Variants in POU3F3 observed in about 807,000 individuals in gnomAD.
The protein encoded by POU3F3 is POU class 3 homeobox 3.
A neutral mutation model predicts 8.6 loss-of-function variants in POU3F3; 1 was observed. The observed-to-expected ratio is 0.12, with a 90% CI of 0.04 to 0.55. POU3F3 has a LOEUF of 0.55. Among genes scored for constraint, POU3F3 ranks in the 20% least tolerant of loss-of-function variants. The pLI is 0.91. For missense variants in POU3F3, 577 were observed against 690.7 expected, an observed-to-expected ratio of 0.84 and a Z score of 1.84; for synonymous variants, 418 against 327.4, an observed-to-expected ratio of 1.28 and a Z score of -2.99.
At chr2:104,865,398 AAG>A in the POU3F3 span, 1 of 152,252 alleles carries the variant, frequency 6.6e-6, no homozygotes, top group Non-Finnish European at 1.5e-5. Context: ...ATAGGACAAA[AAG>A]AATGATCACT....
At chr2:104,922,956 G>A in the POU3F3 span, among the ~76,000 whole-genome samples, 2 of 152,168 alleles carry the variant, frequency 1.3e-5, no homozygotes. Flanking sequence ...TTTCTCATCA[G>A]AAATTCTGGA....
At chr2:104,899,934 C>T in the POU3F3 span, among the ~76,000 whole-genome samples, 8 of 152,204 alleles carry the variant, frequency 5.3e-5, no homozygotes, top group African/African-American at 1.9e-4. Context: ...TCGAAGACTG[C>T]CCTTGTGGGT....
chr2:104,870,157 T>C, the POU3F3 span, among the ~76,000 whole-genome samples: 1 of 152,168 alleles, frequency 6.6e-6, no homozygotes, highest in African/African-American at 2.4e-5. Flanking sequence ...CCCATTTCAT[T>C]CCACTGAGGT....
At chr2:104,881,220 C>T in the POU3F3 span, among the ~76,000 whole-genome samples, 1 of 150,248 alleles carries the variant, frequency 6.7e-6, no homozygotes, top group African/African-American at 2.5e-5. Flanking sequence ...GGGAGTGGTG[C>T]AATCATGGCT....
the POU3F3 span, among the ~76,000 whole-genome samples, chr2:104,870,439 A>G: frequency 1.3e-5 from 2 of 152,358 alleles, no homozygotes; most frequent in South Asian, 4.1e-4. Context: ...CAGCCTGGGC[A>G]TTTCCATACC....
At chr2:104,872,786 C>G in the POU3F3 span, among the ~76,000 whole-genome samples, 5 of 152,300 alleles carry the variant, frequency 3.3e-5, no homozygotes, top group South Asian at 2.1e-4. The surrounding 1 kb of genome is among the most constrained non-coding windows in gnomAD (Gnocchi z 4.6). Context: ...GGCGAGGAGA[C>G]GCATCCCTTC....
chr2:104,922,301 C>CA, the POU3F3 span, among the ~76,000 whole-genome samples: 4 of 129,926 alleles, frequency 3.1e-5, no homozygotes, highest in African/African-American at 5.8e-5. Flanking sequence ...CATTCAAAAA[C>CA]AAAAAATAAA....
At chr2:104,873,105 T>A in the POU3F3 span, among the ~76,000 whole-genome samples, 3 of 152,154 alleles carry the variant, frequency 2.0e-5, no homozygotes, top group African/African-American at 7.2e-5. Flanking sequence ...ACTGAACAAT[T>A]TCCTTGGAGC....
chr2:104,864,949 C>T, the POU3F3 span, among the ~76,000 whole-genome samples: 3 of 152,178 alleles, frequency 2.0e-5, no homozygotes, highest in Non-Finnish European at 4.4e-5. Flanking sequence ...TCTGTGTGCG[C>T]GCACATGCGT....
chr2:104,877,660 CTT>C, the POU3F3 span, among the ~76,000 whole-genome samples: 6 of 138,794 alleles, frequency 4.3e-5, no homozygotes, highest in Middle Eastern at 3.4e-3. Flanking sequence ...TTCTTTTTTT[CTT>C]TTTTTTTTTT....
Position 104,855,308 on chromosome 2 carries a change from G to T in POU3F3, c.-203G>T. 6.8e-6 allele frequency among the ~76,000 whole-genome samples: 1 copy of T among 146,476 alleles called. No homozygotes were observed. The highest frequency in any genetic ancestry group is 1.5e-5 in the Non-Finnish European group (1 of 65,904). On this transcript the variant is annotated 5_prime_UTR_variant, in exon 1 of 1. Coordinates refer to ENST00000361360, the MANE Select transcript of POU3F3 (RefSeq NM_006236.3). ...AGCCGGGGGCCGCGGCGGCGGCGGC[G>T]GCGGCGGGGGCGGAGGCGGCGGCGG...
the POU3F3 span, among the ~76,000 whole-genome samples, chr2:104,921,783 G>A: frequency 2.0e-5 from 3 of 152,180 alleles, no homozygotes; most frequent in African/African-American, 7.2e-5. Flanking sequence ...AGATCACGAG[G>A]TCAGGAGTTT....
chr2:104,863,712 G>C, the POU3F3 span, among the ~76,000 whole-genome samples: 3 of 152,186 alleles, frequency 2.0e-5, no homozygotes, highest in African/African-American at 7.2e-5. Flanking sequence ...CCGAAATTGA[G>C]GTGGGGGGCG....
the POU3F3 span, among the ~76,000 whole-genome samples, chr2:104,886,871 G>A: frequency 6.6e-6 from 1 of 151,828 alleles, no homozygotes; most frequent in Non-Finnish European, 1.5e-5. Context: ...TCACGCTATT[G>A]CACTCCAGAC....
chr2:104,857,098 C>G lies in POU3F3; in HGVS notation c.*85C>G, dbSNP rs1374098624. On this transcript the variant is annotated 3_prime_UTR_variant, in exon 1 of 1. Coordinates refer to ENST00000361360, the MANE Select transcript of POU3F3 (RefSeq NM_006236.3). ...ACCGCCGCCGCCCCTGCCGCCGCCG[C>G]CGCCGCCGCCGCCGCCGCTGCCGCC... The G allele has an allele frequency of 1.0e-6, 1 of 977,150 alleles. No homozygotes were observed. The highest frequency in any genetic ancestry group is 1.8e-5 in the African/African-American group (1 of 56,212). The allele number at this position is 977,150 out of a possible 1,614,324, so 60.5% of individuals were successfully genotyped here.
chr2:104,903,844 C>T, the POU3F3 span, among the ~76,000 whole-genome samples: 2 of 152,138 alleles, frequency 1.3e-5, no homozygotes, highest in African/African-American at 4.8e-5. Flanking sequence ...TTGGCTTGTA[C>T]ATACATCAGC....
rs1676539639 is a variant in POU3F3, at chr2:104,855,596, CTGGCGGCGGCGGGGGTGGCGG to C, written c.87_107del (p.Gly37_Gly43del). 5 of 934,132 alleles carry C rather than the reference CTGGCGGCGGCGGGGGTGGCGG, an allele frequency of 5.4e-6. No homozygotes were observed. Among genetic ancestry groups the C allele is most frequent in the Non-Finnish European group, 6.2e-6 (5 of 809,232 alleles). The allele number at this position is 934,132 out of a possible 1,614,324, so 57.9% of individuals were successfully genotyped here. On this transcript the variant is annotated inframe_deletion, in exon 1 of 1. Coordinates refer to ENST00000361360, the MANE Select transcript of POU3F3 (RefSeq NM_006236.3). Reference sequence around the variant, plus strand: ...ATTGTGCACTCGGACGCGGCAGGGGCTGGCGGCGGCGGGGGTGGCGGCGGCGGCGGCGGCGGGGGCGGCGCA... The same window carrying C: ...ATTGTGCACTCGGACGCGGCAGGGGCCGGCGGCGGCGGCGGGGGCGGCGCA...
Position 104,854,972 on chromosome 2 carries a change from C to T in POU3F3, c.-539C>T, listed in dbSNP as rs1451202491. Among the ~76,000 whole-genome samples the T allele has an allele frequency of 6.6e-6, 1 of 152,216 alleles. No individual in the cohort carries two copies. The highest frequency in any genetic ancestry group is 1.9e-4 in the East Asian group (1 of 5,184). On this transcript the variant is annotated 5_prime_UTR_variant, in exon 1 of 1. Transcript: ENST00000361360. This position sits in a 1 kb window ranked among gnomAD's most constrained non-coding sequence, Gnocchi z 4.5. ...TATCTCCCGTGAAACCTTCACTTAG[C>T]AGGTGGACGGAGCCCCGCGACCGGG...
the POU3F3 span, among the ~76,000 whole-genome samples, chr2:104,915,418 C>G: frequency 3.3e-5 from 5 of 152,142 alleles, no homozygotes; most frequent in Non-Finnish European, 7.3e-5. Flanking sequence ...GCCCCGCAAC[C>G]CTTTGTTACA....
Sources: gnomAD v4.1 joint callset for allele counts (sites outside exome capture counted in the v4.1 genomes callset) on GRCh38, gnomAD v4.1.1 for gene constraint, Gnocchi (gnomAD v3.1) non-coding constraint, MANE v1.5 for transcripts, NCBI Gene and HGNC (gene_info 2026-07-23, HGNC 2026-07-21) for gene names.